Variants in TENM3 observed in about 807,000 individuals in gnomAD.
TENM3 encodes teneurin transmembrane protein 3.
TENM3 carries 63 observed loss-of-function variants against 255.1 expected under a neutral mutation model. The observed-to-expected ratio is 0.25, with a 90% CI of 0.20 to 0.30. The LOEUF (loss-of-function observed/expected upper bound fraction) is 0.30, where lower values mean the gene tolerates loss of function less well. Ranked by LOEUF, TENM3 falls within the 10% of genes least tolerant of loss-of-function variation. The probability of loss-of-function intolerance (pLI) is 1.00; values close to 1 mark genes in which losing one functional copy is unlikely to be tolerated. For synonymous variants in TENM3, 1,306 were observed against 1,322.3 expected, an observed-to-expected ratio of 0.99 and a Z score of 0.27; for missense variants, 2,929 against 3,461.1, an observed-to-expected ratio of 0.85 and a Z score of 3.86.
intron 5 of TENM3, among the ~76,000 whole-genome samples, chr4:182,633,132 A>G (rs938808504): frequency 2.0e-5 from 3 of 151,858 alleles, no homozygotes; most frequent in Non-Finnish European, 2.9e-5. Flanking sequence ...AGATCTCCCT[A>G]TGTTTCCTAG....
chr4:181,562,748 C>T, the TENM3 span, among the ~76,000 whole-genome samples: 2 of 151,428 alleles, frequency 1.3e-5, no homozygotes, highest in South Asian at 4.2e-4. Context: ...GATCTCAGCT[C>T]ACTGCAACCT....
chr4:181,848,855 G>A, the TENM3 span, among the ~76,000 whole-genome samples: 1 of 152,080 alleles, frequency 6.6e-6, no homozygotes, highest in African/African-American at 2.4e-5. Context: ...TGGGGCAACT[G>A]GAGTAGTAAT....
At chr4:182,785,487 C>T (rs1423341863) in intron 24 of TENM3, among the ~76,000 whole-genome samples, 1 of 151,536 alleles carries the variant, frequency 6.6e-6, no homozygotes, top group Non-Finnish European at 1.5e-5. Context: ...GCGGGTGGAT[C>T]ACCTAAGCCC....
At chr4:182,669,686 A>T (rs1015575600) in intron 6 of TENM3, among the ~76,000 whole-genome samples, 3 of 152,154 alleles carry the variant, frequency 2.0e-5, no homozygotes, top group African/African-American at 7.2e-5. Context: ...AATATATCTG[A>T]TTTTATATGA....
the TENM3 span, among the ~76,000 whole-genome samples, chr4:182,093,497 G>A: frequency 4.6e-5 from 7 of 152,246 alleles, no homozygotes; most frequent in East Asian, 5.8e-4. Context: ...ACCAGCAGCC[G>A]AAAGAACTAC....
chr4:181,633,854 T>A, the TENM3 span, among the ~76,000 whole-genome samples: 1 of 152,332 alleles, frequency 6.6e-6, no homozygotes, highest in South Asian at 2.1e-4. Context: ...TAGATTCGTG[T>A]CAACCCCTGC....
chr4:182,496,328 T>G (rs962741867), intron 3 of TENM3, among the ~76,000 whole-genome samples: 8 of 152,160 alleles, frequency 5.3e-5, no homozygotes, highest in African/African-American at 9.7e-5. Context: ...CCTCACTTCC[T>G]TTTACAGAAA....
At chr4:181,708,612 A>C in the TENM3 span, among the ~76,000 whole-genome samples, 1 of 152,056 alleles carries the variant, frequency 6.6e-6, no homozygotes, top group Non-Finnish European at 1.5e-5. Context: ...CACTCTATGA[A>C]AATCAAATAT....
At chr4:181,583,796 T>G in the TENM3 span, among the ~76,000 whole-genome samples, 1 of 152,224 alleles carries the variant, frequency 6.6e-6, no homozygotes, top group Non-Finnish European at 1.5e-5. Flanking sequence ...TCCTAATGTC[T>G]ATGTAATTCT....
At chr4:182,621,732 T>TTTATA (rs1750239775) in intron 4 of TENM3, among the ~76,000 whole-genome samples, 1 of 7,394 alleles carries the variant, frequency 1.4e-4, no homozygotes, top group African/African-American at 2.0e-4. Flanking sequence ...ATATATAAAA[T>TTTATA]ATATAATATA....
the TENM3 span, among the ~76,000 whole-genome samples, chr4:181,489,578 T>C: frequency 6.6e-6 from 1 of 152,192 alleles, no homozygotes; most frequent in African/African-American, 2.4e-5. Context: ...TTTTAAGAAG[T>C]TGTACAAAAT....
chr4:182,053,830 G>C, the TENM3 span, among the ~76,000 whole-genome samples: 1 of 152,154 alleles, frequency 6.6e-6, no homozygotes, highest in Non-Finnish European at 1.5e-5. Context: ...GTAGGACTCA[G>C]CAGGTCATAG....
the TENM3 span, among the ~76,000 whole-genome samples, chr4:181,902,651 G>A: frequency 0.31 from 47,182 of 151,778 alleles, 7,518 homozygotes; most frequent in East Asian, 0.5. Context: ...AAGCCATCAT[G>A]CTCAGCAAAC....
At chr4:181,981,938 T>C in the TENM3 span, among the ~76,000 whole-genome samples, 2 of 152,158 alleles carry the variant, frequency 1.3e-5, no homozygotes, top group African/African-American at 4.8e-5. Context: ...CAGACTCCTA[T>C]TTAAGATAAC....
intron 4 of TENM3, among the ~76,000 whole-genome samples, chr4:182,619,176 G>C (rs111736195): frequency 0.2 from 30,303 of 151,776 alleles, 3,534 homozygotes; most frequent in Non-Finnish European, 0.27. Flanking sequence ...ACCTGTAATC[G>C]CAACACTTTG....
chr4:182,473,736 C>T (rs557520037), intron 3 of TENM3, among the ~76,000 whole-genome samples: 7 of 151,582 alleles, frequency 4.6e-5, no homozygotes, highest in African/African-American at 7.3e-5. Context: ...TTTTGGAGGC[C>T]GAGGTGGGAG....
Position 182,624,418 on chromosome 4 carries a change from C to T in TENM3, c.750-4233C>T, listed in dbSNP as rs142549987. On this transcript the variant is annotated intron_variant, in intron 4 of 27. Transcript: ENST00000511685. Reference sequence around the variant, plus strand: ...ACACGCAGCTTTGCCAGGTAGCTCTCTCTGCTACTTCTGTCCCTTCGAGCA... The same window carrying T: ...ACACGCAGCTTTGCCAGGTAGCTCTTTCTGCTACTTCTGTCCCTTCGAGCA... Among the ~76,000 whole-genome samples, 52 of 152,274 alleles carry T rather than the reference C, an allele frequency of 3.4e-4. No individual in the cohort carries two copies. The East Asian group carries it at 4.3e-3, about 12-fold the overall frequency.
At chr4:182,573,832 A>G (rs1045048238) in intron 3 of TENM3, among the ~76,000 whole-genome samples, 1 of 152,172 alleles carries the variant, frequency 6.6e-6, no homozygotes, top group African/African-American at 2.4e-5. Flanking sequence ...AAATATTGAG[A>G]TTCATATTTC....
At chr4:181,629,958 G>A in the TENM3 span, among the ~76,000 whole-genome samples, 3 of 152,124 alleles carry the variant, frequency 2.0e-5, no homozygotes, top group East Asian at 1.9e-4. Context: ...CTGTGAGTCC[G>A]TCTGGTCCTG....
Sources: gnomAD v4.1 joint callset for allele counts (sites outside exome capture counted in the v4.1 genomes callset) on GRCh38, gnomAD v4.1.1 for gene constraint, MANE v1.5 for transcripts, NCBI Gene and HGNC (gene_info 2026-07-23, HGNC 2026-07-21) for gene names.